FBN2: variants seen among roughly 807,000 people sequenced by gnomAD.
FBN2 encodes the protein fibrillin 2, also known as fibrillin-2.
In FBN2, 105 loss-of-function variants were observed where a neutral mutation model predicts 355.6. The ratio of observed to expected loss-of-function variants is 0.30; its 90% confidence interval spans 0.25 to 0.35. The LOEUF (loss-of-function observed/expected upper bound fraction) is 0.35, where lower values mean the gene tolerates loss of function less well. FBN2 is among the 10% of genes least tolerant of loss of function. The pLI, the probability that FBN2 is intolerant of heterozygous loss-of-function variation, is 1.00. For missense variants in FBN2, 3,280 were observed against 3,758.7 expected (o/e 0.87, Z 3.33); for synonymous variants, 1,350 against 1,301.2 (o/e 1.04, Z -0.81).
chr5:128,388,694 T>C (rs1302183376), intron 11 of FBN2, among the ~76,000 whole-genome samples: 3 of 152,224 alleles, frequency 2.0e-5, no homozygotes, highest in Admixed American at 6.5e-5. Flanking sequence ...GGGTTCCTGC[T>C]GAAAGGTCCA....
chr5:128,527,778 TCAAAAGA>T, intron 4 of FBN2, 87 bp downstream of exon 4: 1 of 933,572 alleles, frequency 1.1e-6, no homozygotes, highest in Non-Finnish European at 1.7e-6. Flanking sequence ...AATTGTTTTT[TCAAAAGA>T]TCACAGGATT....
chr5:128,293,761 C>T (rs1450137918), intron 48 of FBN2, among the ~76,000 whole-genome samples: 1 of 151,734 alleles, frequency 6.6e-6, no homozygotes. Flanking sequence ...ATCACAGAGA[C>T]AAAGAAGAAT....
chr5:128,400,651 A>T (rs1287323024), intron 8 of FBN2, among the ~76,000 whole-genome samples: 1 of 152,242 alleles, frequency 6.6e-6, no homozygotes, highest in Non-Finnish European at 1.5e-5. Flanking sequence ...TATTTCCAAG[A>T]ATTGGTATCA....
At chr5:128,441,542 T>C (rs1332895775) in intron 7 of FBN2, among the ~76,000 whole-genome samples, 1 of 152,240 alleles carries the variant, frequency 6.6e-6, no homozygotes, top group Non-Finnish European at 1.5e-5. Context: ...CACAGCTCTG[T>C]GGTGATGATT....
Position 128,531,676 on chromosome 5 carries a change from GTGTATATATATGTA to G in FBN2, c.338-997_338-984del, listed in dbSNP as rs1756709165. ...AATACATATATATGTGTGCGTGTGT[GTGTATATATATGTA>G]TGTATATATAAGTGTATATATATGT... On this transcript the variant is annotated intron_variant, in intron 2 of 64. Transcript: ENST00000262464. Among the ~76,000 whole-genome samples, 3 of 150,350 alleles carry G rather than the reference GTGTATATATATGTA, an allele frequency of 2.0e-5. No individual in the cohort carries two copies. In the South Asian group the frequency reaches 6.2e-4, roughly 31 times the overall value.
chr5:128,467,897 G>C (rs1349813215), intron 5 of FBN2, among the ~76,000 whole-genome samples: 2 of 152,118 alleles, frequency 1.3e-5, no homozygotes, highest in African/African-American at 4.8e-5. Context: ...TAAAAAATTA[G>C]TGCAGTTAGC....
intron 7 of FBN2, among the ~76,000 whole-genome samples, chr5:128,419,369 A>G (rs1753285649): frequency 6.6e-6 from 1 of 152,198 alleles, no homozygotes; most frequent in Admixed American, 6.5e-5. Context: ...TGGTGAGAGT[A>G]GACATCAGTC....
chr5:128,335,389 C>T, intron 29 of FBN2, 66 bp downstream of exon 29: 1 of 1,611,556 alleles, frequency 6.2e-7, no homozygotes, highest in South Asian at 1.1e-5. Flanking sequence ...TTGGTAATAT[C>T]TGGAGCCATA....
At chr5:128,328,353 T>C (rs1377565245) in intron 34 of FBN2, 1 of 546,184 alleles carries the variant, frequency 1.8e-6, no homozygotes, top group Non-Finnish European at 3.3e-6. Flanking sequence ...ATAGTGGTAG[T>C]TGAGACAAGT....
intron 23 of FBN2, among the ~76,000 whole-genome samples, chr5:128,346,465 G>T (rs552416203): frequency 2.6e-5 from 4 of 152,130 alleles, no homozygotes; most frequent in Admixed American, 6.5e-5. Flanking sequence ...ACTGTCTAAC[G>T]GAGGGAATGA....
chr5:128,361,585 C>T, intron 19 of FBN2, 138 bp downstream of exon 19: 1 of 1,096,540 alleles, frequency 9.1e-7, no homozygotes. Context: ...CAAAAACTGG[C>T]AGATTAGCTA....
intron 5 of FBN2, among the ~76,000 whole-genome samples, chr5:128,514,949 T>C (rs1010567009): frequency 3.9e-5 from 6 of 152,234 alleles, no homozygotes; most frequent in African/African-American, 1.4e-4. Context: ...TAATACCAGC[T>C]TGTTCTCGTC....
At chr5:128,374,069 T>C (rs1752018161) in intron 15 of FBN2, among the ~76,000 whole-genome samples, 1 of 152,118 alleles carries the variant, frequency 6.6e-6, no homozygotes, top group African/African-American at 2.4e-5. Context: ...TGCACTGTGT[T>C]TAGGATTCAG....
At position 128,530,601 on chromosome 5, in the gene FBN2, T is replaced by C. The variant is rs1166215171; in HGVS notation, c.430A>G (p.Lys144Glu). Residue 144 changes from lysine to glutamate, a missense_variant, in exon 3 of 65, where the codon AAA becomes GAA. By Grantham distance (56) the Lys-to-Glu change is moderately conservative (BLOSUM62 1). This residue lies in a region of FBN2 where 130 missense variants were observed against 189.9 expected (regional missense o/e 0.68). Coordinates refer to ENST00000262464, the MANE Select transcript of FBN2 (RefSeq NM_001999.4). ...SGQISSTCGS[K>E]SIQQCSVRCM... ...CCACAAGTAAGAAACATACTTGATT[T>C]TGATCCACAGGTTGATGATATTTGC... is the stretch of plus-strand genomic sequence containing the variant. The C allele has an allele frequency of 6.2e-7, 1 of 1,608,662 alleles. No homozygotes were observed.
At chr5:128,536,036 T>G (rs187219529) in intron 2 of FBN2, among the ~76,000 whole-genome samples, 1 of 152,182 alleles carries the variant, frequency 6.6e-6, no homozygotes, top group African/African-American at 2.4e-5. Context: ...GCCTGATAAT[T>G]TGCATAATAA....
At position 128,259,576 on chromosome 5, in the gene FBN2, G is replaced by T. The variant is rs775697140; in HGVS notation, c.8618C>A (p.Thr2873Asn). 6.2e-7 allele frequency: 1 copy of T among 1,613,980 alleles called. No individual in the cohort carries two copies. The highest frequency in any genetic ancestry group is 1.3e-5 in the African/African-American group (1 of 74,920). ...CTTCTTCTTGTAGAGAGGGATGCTA[G>T]TGATTTCCAGTGTGTATGTGCCGGG... is the stretch of plus-strand genomic sequence containing the variant. The part of the protein sequence containing the change: ...LMPGTYTLEI[T>N]SIPLYKKKEL... The change falls in exon 65 of 65, where the codon ACT becomes AAT. Residue 2873 changes from threonine to asparagine, a missense_variant. Thr to Asn is a moderately conservative substitution (Grantham distance 65). Around this residue, in one of 6 missense-constraint regions of FBN2, gnomAD observed 311 missense variants for 319.1 expected, o/e 0.97. Coordinates refer to ENST00000262464, the MANE Select transcript of FBN2 (RefSeq NM_001999.4).
intron 15 of FBN2, among the ~76,000 whole-genome samples, chr5:128,370,942 C>A (rs1322622273): frequency 6.6e-6 from 1 of 152,144 alleles, no homozygotes; most frequent in Non-Finnish European, 1.5e-5. Context: ...GATGATCTTA[C>A]ATAAATTACT....
rs556890004 is a variant in FBN2, at chr5:128,409,953, C to T, written c.953-1154G>A. ...TTATTGGTCTATTCATTATTTTTTT[C>T]CATTTATTCTGGCAAGTCACTCTTG... On this transcript the variant is annotated intron_variant, in intron 7 of 64. Coordinates refer to ENST00000262464, the MANE Select transcript of FBN2 (RefSeq NM_001999.4). 8.0e-3 allele frequency among the ~76,000 whole-genome samples: 1,220 copies of T among 152,132 alleles called. 15 individuals carry two copies. The highest frequency in any genetic ancestry group is 0.058 in the Middle Eastern group (17 of 294).
At position 128,291,163 on chromosome 5, in the gene FBN2, T is replaced by G. The variant is rs191064777; in HGVS notation, c.6293-279A>C. ...CACACAGAGTCTCTTTTTTCACTGT[T>G]GCATGATAGTCTAAGAAAAACAATC... On this transcript the variant is annotated intron_variant, in intron 49 of 64. Coordinates refer to ENST00000262464, the MANE Select transcript of FBN2 (RefSeq NM_001999.4). Among the ~76,000 whole-genome samples, 129 of 152,292 alleles carry G rather than the reference T, an allele frequency of 8.5e-4. 1 individual carries two copies. The highest frequency in any genetic ancestry group is 3.0e-3 in the African/African-American group (123 of 41,556).
Sources: allele counts gnomAD v4.1 joint callset (sites outside exome capture counted in the v4.1 genomes callset), GRCh38; gene constraint gnomAD v4.1.1; regional missense constraint gnomAD v4.1.1; transcripts MANE v1.5; gene names NCBI Gene and HGNC (gene_info 2026-07-23, HGNC 2026-07-21).